KIF2A: variants seen among roughly 807,000 people sequenced by gnomAD.
KIF2A encodes the protein kinesin family member 2A.
Under a neutral mutation model 100.2 loss-of-function variants are expected in KIF2A, and 22 were observed. The ratio of observed to expected loss-of-function variants is 0.22; its 90% CI spans 0.16 to 0.31. The LOEUF is 0.31. KIF2A is among the 10% of genes least tolerant of loss of function. The probability of loss-of-function intolerance (pLI) is 1.00; values close to 1 mark genes in which losing one functional copy is unlikely to be tolerated. For synonymous variants in KIF2A, 268 were observed against 285.9 expected (o/e 0.94, Z 0.63); for missense variants, 495 against 898.7 (o/e 0.55, Z 5.74).
chr5:62,357,778 G>T (rs377203715), intron 8 of KIF2A, 33 bp downstream of exon 8: 3 of 1,244,294 alleles, frequency 2.4e-6, no homozygotes, highest in African/African-American at 1.5e-5. Context: ...ATAAAAGATT[G>T]ATTTTATCTT....
chr5:62,363,235 C>T lies in KIF2A; in HGVS notation c.1177C>T (p.Gln393Ter). 1 of 1,612,926 alleles carries T rather than the reference C, an allele frequency of 6.2e-7. No homozygotes were observed. Among genetic ancestry groups the T allele is most frequent in the Non-Finnish European group, 8.5e-7 (1 of 1,179,188 alleles). ...KLRVLEDGKQ[Q>*]VQVVGLQERE... ...AAGAGTTCTAGAAGATGGAAAACAG[C>T]AGGTTCAAGTGGTGGGATTACAGGA... Residue 393 changes from glutamine (Q) to a stop codon, truncating the protein, a stop_gained, in exon 13 of 21, where the codon CAG (glutamine) becomes TAG (stop). Transcript: ENST00000407818. LOFTEE classifies it high-confidence loss of function.
chr5:62,348,430 A>G (rs986443501), intron 3 of KIF2A, among the ~76,000 whole-genome samples: 2 of 152,226 alleles, frequency 1.3e-5, no homozygotes, highest in African/African-American at 4.8e-5. Context: ...CTCAGGAGAT[A>G]TAGATCAAAA....
At chr5:62,308,447 C>G (rs1035570457) in intron 1 of KIF2A, 56 of 958,366 alleles carry the variant, frequency 5.8e-5, no homozygotes, top group Non-Finnish European at 8.9e-5. Context: ...TCTGCACTCT[C>G]GCGTTCATTG....
At chr5:62,371,721 A>G (rs1741337977) in intron 16 of KIF2A, among the ~76,000 whole-genome samples, 1 of 152,222 alleles carries the variant, frequency 6.6e-6, no homozygotes, top group Non-Finnish European at 1.5e-5. Flanking sequence ...TACTTAATAA[A>G]TATTTTATAT....
At chr5:62,344,306 C>T (rs986362757) in intron 1 of KIF2A, among the ~76,000 whole-genome samples, 26 of 151,140 alleles carry the variant, frequency 1.7e-4, no homozygotes, top group Non-Finnish European at 3.5e-4. Context: ...CGAGATCGCA[C>T]CACTGCAGTC....
chr5:62,329,695 A>G (rs957053220), intron 1 of KIF2A, among the ~76,000 whole-genome samples: 3 of 152,190 alleles, frequency 2.0e-5, no homozygotes, highest in African/African-American at 7.2e-5. Flanking sequence ...TTTTTGTAGC[A>G]TCCTTGTCCT....
intron 3 of KIF2A, among the ~76,000 whole-genome samples, chr5:62,349,718 A>C (rs1747751827): frequency 6.6e-6 from 1 of 152,196 alleles, no homozygotes; most frequent in Non-Finnish European, 1.5e-5. Context: ...ATGATGATTA[A>C]AACACATATT....
chr5:62,334,622 C>T (rs1004668961), intron 1 of KIF2A, among the ~76,000 whole-genome samples: 1 of 151,986 alleles, frequency 6.6e-6, no homozygotes, highest in Non-Finnish European at 1.5e-5. Flanking sequence ...GGGGCCTCCC[C>T]ACCACCACTG....
At position 62,390,353 on chromosome 5, in the gene KIF2A, G is replaced by C. The variant is rs1267847883; in HGVS notation, c.*4784G>C. ...ATAATTATGACAGCTTTTTACTTGA[G>C]AAGTGTAGAACTTGCTTCAGGCTAC... On this transcript the variant is annotated 3_prime_UTR_variant, in exon 21 of 21. Transcript: ENST00000407818. Among the ~76,000 whole-genome samples, 3 of 152,172 alleles carry C rather than the reference G, an allele frequency of 2.0e-5. No individual in the cohort carries two copies. The East Asian group carries it at 5.8e-4, about 29-fold the overall frequency.
intron 1 of KIF2A, among the ~76,000 whole-genome samples, chr5:62,328,420 T>C (rs1746481378): frequency 6.6e-6 from 1 of 152,174 alleles, no homozygotes; most frequent in South Asian, 2.1e-4. Flanking sequence ...TACAAGTGGT[T>C]TTGGACGGTG....
chr5:62,314,147 C>T (rs983377772), intron 1 of KIF2A, among the ~76,000 whole-genome samples: 4 of 152,108 alleles, frequency 2.6e-5, no homozygotes, highest in African/African-American at 9.7e-5. Flanking sequence ...AGGTTTCTCT[C>T]TAGATATCCT....
At chr5:62,312,540 G>T (rs1344334254) in intron 1 of KIF2A, among the ~76,000 whole-genome samples, 2 of 152,012 alleles carry the variant, frequency 1.3e-5, no homozygotes, top group African/African-American at 4.8e-5. Context: ...TTGTTTATTT[G>T]TTTGTTTGTT....
intron 1 of KIF2A, among the ~76,000 whole-genome samples, chr5:62,320,692 TAA>T (rs1336126703): frequency 6.6e-6 from 1 of 151,944 alleles, no homozygotes; most frequent in East Asian, 1.9e-4. Flanking sequence ...TATAGAAAAA[TAA>T]AGAGTATATC....
At chr5:62,327,629 G>GC (rs1746443900) in intron 1 of KIF2A, among the ~76,000 whole-genome samples, 1 of 152,172 alleles carries the variant, frequency 6.6e-6, no homozygotes, top group African/African-American at 2.4e-5. Flanking sequence ...GCCACATGGA[G>GC]CTTCAGTGAT....
Position 62,347,151 on chromosome 5 carries a change from T to C in KIF2A, c.86T>C (p.Val29Ala). Residue 29 changes from valine (V) to alanine (A), a missense_variant, in exon 2 of 21, where the codon GTA becomes GCA. Physicochemically the swap from Val to Ala is moderately conservative, Grantham distance 64. Coordinates refer to ENST00000407818, the MANE Select transcript of KIF2A (RefSeq NM_001098511.3). ...RSDGRIHQAM[V>A]TSLNEDNESV... ...ATAGGCCGAATACATCAAGCAATGG[T>C]AACATCTTTAAATGAAGATAATGAA... is the stretch of plus-strand genomic sequence containing the variant. 1 of 1,602,516 alleles carries C rather than the reference T, an allele frequency of 6.2e-7. No individual in the cohort carries two copies. Among genetic ancestry groups the C allele is most frequent in the Non-Finnish European group, 8.5e-7 (1 of 1,172,586 alleles).
chr5:62,349,306 TAAAA>T (rs1747729504), intron 3 of KIF2A, among the ~76,000 whole-genome samples: 1 of 151,360 alleles, frequency 6.6e-6, no homozygotes, highest in Non-Finnish European at 1.5e-5. Flanking sequence ...TTAAAAGTAT[TAAAA>T]ATATTTTTAA....
At position 62,309,432 on chromosome 5, in the gene KIF2A, A is replaced by G. The variant is rs111777460; in HGVS notation, c.64+2896A>G. Among the ~76,000 whole-genome samples the G allele has an allele frequency of 2.5e-3, 382 of 152,340 alleles. 2 individuals carry two copies. Among genetic ancestry groups the G allele is most frequent in the African/African-American group, 8.8e-3 (364 of 41,574 alleles). ...TAGTAGAGAACTTCGAAAGAACAGA[A>G]GGATCATTTGCATTGGACAGTAGTG... On this transcript the variant is annotated intron_variant, in intron 1 of 20. Coordinates refer to ENST00000407818, the MANE Select transcript of KIF2A (RefSeq NM_001098511.3).
intron 20 of KIF2A, 66 bp from the exon 21 acceptor site, chr5:62,385,418 A>G (rs1741976101): frequency 1.8e-6 from 2 of 1,114,404 alleles, no homozygotes; most frequent in South Asian, 1.4e-5. Flanking sequence ...GATTGAACCC[A>G]TAAAGTTGTA....
Position 62,339,505 on chromosome 5 carries a change from A to T in KIF2A, c.65-7625A>T, listed in dbSNP as rs568910844. On this transcript the variant is annotated intron_variant, in intron 1 of 20. Transcript: ENST00000407818. ...ATGGCACCGAAGAGAAAAGTTTTAT[A>T]TATGTGGACTCAATTATTCTGTATT... is the stretch of plus-strand genomic sequence containing the variant. Among the ~76,000 whole-genome samples the T allele has an allele frequency of 1.5e-4, 12 of 77,932 alleles. No homozygotes were observed. In the South Asian group the frequency reaches 3.9e-3, roughly 25 times the overall value. 51.1% of individuals were successfully genotyped at this position (77,932 alleles called of 152,430 possible).
Sources: gnomAD v4.1 joint callset for allele counts (sites outside exome capture counted in the v4.1 genomes callset) on GRCh38, gnomAD v4.1.1 for gene constraint, MANE v1.5 for transcripts, NCBI Gene and HGNC (gene_info 2026-07-23, HGNC 2026-07-21) for gene names.